Variants in CEP128 observed in about 807,000 individuals in gnomAD.
CEP128 encodes the protein centrosomal protein 128kDa.
A neutral mutation model predicts 156.7 loss-of-function variants in CEP128; 132 were observed. The observed-to-expected ratio is 0.84, with a 90% CI of 0.73 to 0.97. The LOEUF is 0.97. Ranked by LOEUF, CEP128 falls within the 50% of genes least tolerant of loss-of-function variation. CEP128 has a pLI of 0.00. For missense variants in CEP128, 1,252 were observed against 1,281.9 expected (o/e 0.98, Z 0.36); for synonymous variants, 469 against 448.9 (o/e 1.04, Z -0.57).
intron 24 of CEP128, among the ~76,000 whole-genome samples, chr14:80,501,303 G>A (rs1199415931): frequency 1.3e-5 from 2 of 152,136 alleles, no homozygotes; most frequent in African/African-American, 4.8e-5. Flanking sequence ...AGGAGGCGCA[G>A]AAGATGACTT....
chr14:80,704,795 C>T (rs1353068700), intron 19 of CEP128, among the ~76,000 whole-genome samples: 1 of 150,556 alleles, frequency 6.6e-6, no homozygotes, highest in East Asian at 2.0e-4. Context: ...CTTCTTCTTT[C>T]TTTCTACCTT....
At chr14:80,909,826 C>T (rs957215579) in intron 4 of CEP128, among the ~76,000 whole-genome samples, 3 of 152,018 alleles carry the variant, frequency 2.0e-5, no homozygotes, top group African/African-American at 7.2e-5. Flanking sequence ...AGACAAAGTA[C>T]GAAGTCATAA....
intron 17 of CEP128, among the ~76,000 whole-genome samples, chr14:80,759,704 T>C (rs535646623): frequency 6.6e-6 from 1 of 152,138 alleles, no homozygotes; most frequent in Non-Finnish European, 1.5e-5. Flanking sequence ...GGGGAAGAAG[T>C]GTAAAACCCA....
intron 22 of CEP128, 89 bp downstream of exon 22, chr14:80,530,720 T>G (rs1310232530): frequency 1.1e-6 from 1 of 880,606 alleles, no homozygotes; most frequent in Non-Finnish European, 1.7e-6. Flanking sequence ...TCCTTCTTCC[T>G]TTTCTATACT....
At chr14:80,595,735 G>C (rs113147694) in intron 19 of CEP128, among the ~76,000 whole-genome samples, 1 of 152,132 alleles carries the variant, frequency 6.6e-6, no homozygotes, top group Non-Finnish European at 1.5e-5. Flanking sequence ...CTGAGACTGG[G>C]TAATTTATAA....
intron 9 of CEP128, among the ~76,000 whole-genome samples, chr14:80,850,887 G>A (rs1321379473): frequency 6.6e-6 from 1 of 152,124 alleles, no homozygotes; most frequent in Non-Finnish European, 1.5e-5. Flanking sequence ...ATACGAAAAT[G>A]TTATTTTTAT....
chr14:80,796,319 G>A (rs967725591), intron 13 of CEP128, among the ~76,000 whole-genome samples: 4 of 152,144 alleles, frequency 2.6e-5, no homozygotes, highest in African/African-American at 7.2e-5. Context: ...AATTAGCTGG[G>A]TATGGTGGCA....
At chr14:80,592,644 T>A (rs892942419) in intron 19 of CEP128, among the ~76,000 whole-genome samples, 10 of 152,226 alleles carry the variant, frequency 6.6e-5, no homozygotes, top group African/African-American at 2.4e-4. Context: ...CCGTAACTTA[T>A]TTTATGAGGC....
At chr14:80,643,496 A>G (rs1894507244) in intron 19 of CEP128, among the ~76,000 whole-genome samples, 2 of 152,108 alleles carry the variant, frequency 1.3e-5, no homozygotes, top group African/African-American at 4.8e-5. Flanking sequence ...AGATGGGTGG[A>G]TCATGAGGTC....
intron 8 of CEP128, among the ~76,000 whole-genome samples, chr14:80,878,213 C>T (rs1431773360): frequency 3.9e-5 from 6 of 152,146 alleles, no homozygotes; most frequent in Admixed American, 1.3e-4. Context: ...TACTGACTCA[C>T]GTAGCTGCAC....
At chr14:80,883,333 C>G (rs1888642402) in intron 8 of CEP128, among the ~76,000 whole-genome samples, 1 of 151,892 alleles carries the variant, frequency 6.6e-6, no homozygotes, top group Non-Finnish European at 1.5e-5. Flanking sequence ...ATATGATCAT[C>G]TATTTGAAAA....
At chr14:80,954,805 T>A (rs533863470) in intron 2 of CEP128, among the ~76,000 whole-genome samples, 1 of 152,362 alleles carries the variant, frequency 6.6e-6, no homozygotes, top group South Asian at 2.1e-4. Context: ...TTTCTTCCCA[T>A]CTTCCAGGGG....
chr14:80,916,131 G>C (rs560315108), intron 3 of CEP128, among the ~76,000 whole-genome samples: 2 of 152,144 alleles, frequency 1.3e-5, no homozygotes, highest in Non-Finnish European at 1.5e-5. Context: ...AAGAAATGTG[G>C]GCAGCCTCTA....
chr14:80,940,958 A>G (rs1318438380), intron 1 of CEP128, among the ~76,000 whole-genome samples: 1 of 152,216 alleles, frequency 6.6e-6, no homozygotes, highest in African/African-American at 2.4e-5. Context: ...CAATGCTGCA[A>G]TTAATGGTAA....
rs1887553164 is a variant in CEP128 at position 80,497,698 on chromosome 14, A to T, written c.3182-116T>A. 6 of 672,864 alleles carry T rather than the reference A, an allele frequency of 8.9e-6. No individual in the cohort carries two copies. In the Admixed American group the frequency reaches 1.1e-4, roughly 13 times the overall value. 41.7% of individuals were successfully genotyped at this position (672,864 alleles called of 1,614,324 possible). A position where few individuals can be genotyped will look rare whatever the true frequency, so the allele number is the denominator to read the frequency against. ...ATGGTATTTGATCGAGTTTTCTATA[A>T]TTAAACTTCACATGGACTAACAGAC... On this transcript the variant is annotated intron_variant, in intron 24 of 24. Transcript: ENST00000555265.
At chr14:80,615,673 A>G (rs1265377629) in intron 19 of CEP128, among the ~76,000 whole-genome samples, 3 of 151,812 alleles carry the variant, frequency 2.0e-5, no homozygotes, top group Non-Finnish European at 2.9e-5. Flanking sequence ...ATATAATGAA[A>G]CCCCATCTCT....
intron 19 of CEP128, among the ~76,000 whole-genome samples, chr14:80,729,066 T>A: frequency 2.4e-5 from 1 of 41,534 alleles, no homozygotes; most frequent in South Asian, 7.2e-4. Flanking sequence ...GGGGTGTGTG[T>A]GTGTGTGTGT....
At chr14:80,609,833 A>ATTT in intron 19 of CEP128, among the ~76,000 whole-genome samples, 1 of 150,606 alleles carries the variant, frequency 6.6e-6, no homozygotes, top group Admixed American at 6.6e-5. Flanking sequence ...TTTTTTTTTA[A>ATTT]AATTATATAT....
At chr14:80,596,728 A>G (rs763811356) in intron 19 of CEP128, among the ~76,000 whole-genome samples, 27 of 76,892 alleles carry the variant, frequency 3.5e-4, no homozygotes, top group African/African-American at 4.3e-4. Context: ...CAGAAGGATC[A>G]CTTCACTTGA....
Sources: allele counts gnomAD v4.1 joint callset (sites outside exome capture counted in the v4.1 genomes callset), GRCh38; gene constraint gnomAD v4.1.1; transcripts MANE v1.5; gene names NCBI Gene and HGNC (gene_info 2026-07-23, HGNC 2026-07-21).